Variants in TRPM3 observed in about 807,000 individuals in gnomAD.
The protein encoded by TRPM3 is transient receptor potential cation channel subfamily M member 3.
Under a neutral mutation model 181.2 loss-of-function variants are expected in TRPM3, and 77 were observed. The ratio of observed to expected loss-of-function variants is 0.42; its 90% confidence interval spans 0.35 to 0.51. The LOEUF is 0.51. TRPM3 is among the 20% of genes least tolerant of loss of function. The pLI, the probability that TRPM3 is intolerant of heterozygous loss-of-function variation, is 0.01. For missense variants in TRPM3, 1,759 were observed against 2,196.7 expected, an observed-to-expected ratio of 0.80 and a Z score of 3.98; for synonymous variants, 745 against 796.4, an observed-to-expected ratio of 0.94 and a Z score of 1.09.
chr9:70,793,612 C>T (rs1459413558), intron 6 of TRPM3: 17 of 470,090 alleles, frequency 3.6e-5, no homozygotes, highest in Middle Eastern at 6.5e-4. Flanking sequence ...TTCCTCTTCC[C>T]GGCTGCCACT....
At chr9:70,630,039 C>T (rs984111298) in intron 12 of TRPM3, among the ~76,000 whole-genome samples, 1 of 152,124 alleles carries the variant, frequency 6.6e-6, no homozygotes, top group Non-Finnish European at 1.5e-5. Flanking sequence ...ACCACTGGGA[C>T]CTGTGGATGT....
At chr9:71,006,048 T>C (rs2097670105) in intron 1 of TRPM3, among the ~76,000 whole-genome samples, 1 of 152,180 alleles carries the variant, frequency 6.6e-6, no homozygotes, top group African/African-American at 2.4e-5. Context: ...GACGTGGTAT[T>C]AAAATATAAA....
intron 1 of TRPM3, among the ~76,000 whole-genome samples, chr9:71,356,309 A>G (rs1251233185): frequency 6.6e-6 from 1 of 152,000 alleles, no homozygotes; most frequent in Non-Finnish European, 1.5e-5. Flanking sequence ...TAAGCCTAGT[A>G]CCCATTAATT....
At chr9:71,237,305 T>C (rs2081416359) in intron 1 of TRPM3, among the ~76,000 whole-genome samples, 1 of 152,196 alleles carries the variant, frequency 6.6e-6, no homozygotes, top group Non-Finnish European at 1.5e-5. Flanking sequence ...GATGATACTA[T>C]GAACACAGTT....
At chr9:71,171,536 G>A (rs944376729) in intron 1 of TRPM3, among the ~76,000 whole-genome samples, 2 of 152,244 alleles carry the variant, frequency 1.3e-5, no homozygotes, top group African/African-American at 4.8e-5. Context: ...GTGAATATCG[G>A]GGCAGGTTCC....
intron 1 of TRPM3, among the ~76,000 whole-genome samples, chr9:70,965,118 T>A (rs112177533): frequency 0.013 from 2,047 of 152,150 alleles, 29 homozygotes; most frequent in East Asian, 0.077. Flanking sequence ...TTATCCTTTT[T>A]TTTATTTATT....
At chr9:70,762,575 C>T (rs965909590) in intron 7 of TRPM3, among the ~76,000 whole-genome samples, 2 of 152,168 alleles carry the variant, frequency 1.3e-5, no homozygotes, top group East Asian at 3.9e-4. Flanking sequence ...AAACTGCTCT[C>T]AAGGACCAGT....
intron 1 of TRPM3, among the ~76,000 whole-genome samples, chr9:71,430,356 T>C (rs2093936239): frequency 6.6e-6 from 1 of 152,222 alleles, no homozygotes; most frequent in Non-Finnish European, 1.5e-5. Flanking sequence ...TTTGCTTCTC[T>C]TATATCCCTA....
At chr9:70,838,989 G>A (rs1932926) in intron 5 of TRPM3, among the ~76,000 whole-genome samples, 11 of 151,776 alleles carry the variant, frequency 7.2e-5, no homozygotes, top group Non-Finnish European at 1.6e-4. Flanking sequence ...CTGTTTTACC[G>A]CCACACCCAA....
chr9:71,244,815 A>G (rs768207758), intron 1 of TRPM3, among the ~76,000 whole-genome samples: 11 of 152,216 alleles, frequency 7.2e-5, no homozygotes, highest in Non-Finnish European at 1.3e-4. Context: ...ACAGGCTACA[A>G]TAAAAAGCAG....
At chr9:70,936,478 C>T (rs1233457331) in intron 1 of TRPM3, among the ~76,000 whole-genome samples, 2 of 152,122 alleles carry the variant, frequency 1.3e-5, no homozygotes, top group Admixed American at 1.3e-4. Flanking sequence ...AAAATTCAGG[C>T]TGCATTGCTA....
At chr9:71,391,614 G>C (rs1395228391) in intron 1 of TRPM3, among the ~76,000 whole-genome samples, 1 of 152,144 alleles carries the variant, frequency 6.6e-6, no homozygotes, top group South Asian at 2.1e-4. Context: ...CAAATATTTA[G>C]CTATAAAATT....
At chr9:70,845,022 C>A (rs562601907) in intron 4 of TRPM3, among the ~76,000 whole-genome samples, 2 of 152,112 alleles carry the variant, frequency 1.3e-5, no homozygotes, top group African/African-American at 4.8e-5. Context: ...AAGAGCTAAG[C>A]AGGTCATTCT....
chr9:70,563,277 A>G (rs2049616869), intron 22 of TRPM3, among the ~76,000 whole-genome samples: 3 of 152,230 alleles, frequency 2.0e-5, no homozygotes, highest in Admixed American at 2.0e-4. Context: ...AGCCCAGACC[A>G]GAAGAACCAT....
chr9:70,823,973 G>A (rs1474702743), intron 6 of TRPM3, among the ~76,000 whole-genome samples: 2 of 152,222 alleles, frequency 1.3e-5, no homozygotes, highest in Admixed American at 1.3e-4. Context: ...AATGGGAGAG[G>A]AGGGACAATG....
intron 1 of TRPM3, among the ~76,000 whole-genome samples, chr9:71,149,315 A>G (rs1020769155): frequency 6.6e-6 from 1 of 152,136 alleles, no homozygotes; most frequent in South Asian, 2.1e-4. Flanking sequence ...AGGTGGGAGG[A>G]TCACTTGGGC....
intron 1 of TRPM3, among the ~76,000 whole-genome samples, chr9:71,367,126 C>T (rs1192384043): frequency 6.6e-6 from 1 of 152,062 alleles, no homozygotes; most frequent in Non-Finnish European, 1.5e-5. Flanking sequence ...ATCCAATTTC[C>T]TTCCTTAAAA....
chr9:71,152,764 G>C (rs2134638176), intron 1 of TRPM3, among the ~76,000 whole-genome samples: 1 of 152,200 alleles, frequency 6.6e-6, no homozygotes, highest in Admixed American at 6.5e-5. Context: ...TTAGGACAAA[G>C]ATTTAGCTTT....
At chr9:71,365,989 G>T (rs967945361) in intron 1 of TRPM3, among the ~76,000 whole-genome samples, 3 of 152,092 alleles carry the variant, frequency 2.0e-5, no homozygotes, top group African/African-American at 7.2e-5. Context: ...GGGGAGGGGT[G>T]CATGTTAGGT....
Sources: allele counts gnomAD v4.1 joint callset (sites outside exome capture counted in the v4.1 genomes callset), GRCh38; gene constraint gnomAD v4.1.1; transcripts MANE v1.5; gene names NCBI Gene and HGNC (gene_info 2026-07-23, HGNC 2026-07-21).